Variants in DPP10 observed in about 807,000 individuals in gnomAD.
The protein encoded by DPP10 is inactive dipeptidyl peptidase 10.
In DPP10, 33 loss-of-function variants were observed where a neutral mutation model predicts 120.9. That is an observed-to-expected ratio of 0.27 (90% CI 0.21 to 0.37). The LOEUF (loss-of-function observed/expected upper bound fraction) is 0.37, where lower values mean the gene tolerates loss of function less well. Among genes scored for constraint, DPP10 ranks in the 10% least tolerant of loss-of-function variants. The pLI, the probability that DPP10 is intolerant of heterozygous loss-of-function variation, is 1.00. For missense variants in DPP10, 816 were observed against 942.8 expected (o/e 0.87, Z 1.76); for synonymous variants, 337 against 326.1 (o/e 1.03, Z -0.36).
intron 1 of DPP10, among the ~76,000 whole-genome samples, chr2:115,025,520 T>C (rs879062079): frequency 2.0e-5 from 3 of 152,106 alleles, no homozygotes; most frequent in Admixed American, 6.6e-5. Context: ...ATATACCTAC[T>C]AGTGGAATTG....
chr2:115,052,749 C>T (rs1012707967), intron 1 of DPP10, among the ~76,000 whole-genome samples: 7 of 151,996 alleles, frequency 4.6e-5, no homozygotes, highest in African/African-American at 1.4e-4. Context: ...GTCAGGAGTT[C>T]GAGACCAGCC....
At chr2:114,979,565 G>A (rs1365160241) in intron 1 of DPP10, among the ~76,000 whole-genome samples, 9 of 151,946 alleles carry the variant, frequency 5.9e-5, no homozygotes, top group South Asian at 2.1e-4. Flanking sequence ...AATCTGTCAC[G>A]TTTGATAATG....
intron 3 of DPP10, among the ~76,000 whole-genome samples, chr2:115,499,191 G>T (rs951598359): frequency 4.6e-5 from 7 of 152,052 alleles, no homozygotes; most frequent in Non-Finnish European, 8.8e-5. Context: ...AGAGACTGGA[G>T]GCACTTCTCT....
rs191329283 is a variant in DPP10 at position 115,488,958 on chromosome 2, T to A, written c.272-10552T>A. The stretch of plus-strand genomic sequence containing the variant: ...CAAACAAAGAAACAAAAAACATACC[T>A]TTTAGAGTGTATGGCTATTTTGGAA... On this transcript the variant is annotated intron_variant, in intron 3 of 25. Transcript: ENST00000410059. 5.3e-5 allele frequency among the ~76,000 whole-genome samples: 8 copies of A among 151,978 alleles called. No homozygotes were observed. In the East Asian group the frequency reaches 1.5e-3, roughly 29 times the overall value.
rs887057813 is a variant in DPP10, at chr2:115,289,605, C to T, written c.61-19634C>T. ...ATTAACTCATTTCCAATTGTACTAC[C>T]AGACTATAGTAACCAAAATAGCATA... On this transcript the variant is annotated intron_variant, in intron 1 of 25. Coordinates refer to ENST00000410059, the MANE Select transcript of DPP10 (RefSeq NM_020868.6). Among the ~76,000 whole-genome samples, 6 of 151,496 alleles carry T rather than the reference C, an allele frequency of 4.0e-5. No homozygotes were observed. The East Asian group carries it at 1.2e-3, about 29-fold the overall frequency.
At chr2:115,426,869 A>C (rs1327913337) in intron 3 of DPP10, among the ~76,000 whole-genome samples, 1 of 152,240 alleles carries the variant, frequency 6.6e-6, no homozygotes, top group African/African-American at 2.4e-5. Context: ...TCCAAAGTTT[A>C]AAATCTCATC....
At chr2:114,689,451 T>G (rs1443297195) in intron 1 of DPP10, among the ~76,000 whole-genome samples, 1 of 152,110 alleles carries the variant, frequency 6.6e-6, no homozygotes, top group Non-Finnish European at 1.5e-5. Context: ...CCATGGTGTA[T>G]ATGTACCACA....
intron 1 of DPP10, among the ~76,000 whole-genome samples, chr2:114,695,265 G>A (rs1700004137): frequency 6.6e-6 from 1 of 152,010 alleles, no homozygotes; most frequent in Non-Finnish European, 1.5e-5. Context: ...AGGACTTGAT[G>A]ATTAATGGAA....
At chr2:115,216,440 A>G (rs1006834520) in intron 1 of DPP10, among the ~76,000 whole-genome samples, 1 of 152,202 alleles carries the variant, frequency 6.6e-6, no homozygotes, top group African/African-American at 2.4e-5. Context: ...TTATAAACGC[A>G]TATGTACGTA....
At chr2:115,254,989 T>A (rs1231582386) in intron 1 of DPP10, among the ~76,000 whole-genome samples, 1 of 152,140 alleles carries the variant, frequency 6.6e-6, no homozygotes, top group African/African-American at 2.4e-5. Flanking sequence ...TGGAGGACAG[T>A]CGTCCTCTTC....
intron 1 of DPP10, among the ~76,000 whole-genome samples, chr2:114,571,219 G>C (rs1689618212): frequency 6.6e-6 from 1 of 152,116 alleles, no homozygotes; most frequent in Non-Finnish European, 1.5e-5. Context: ...TAATGGGTTA[G>C]CACCATCCTC....
At chr2:115,725,079 C>A (rs979893671) in intron 7 of DPP10, among the ~76,000 whole-genome samples, 1 of 152,182 alleles carries the variant, frequency 6.6e-6, no homozygotes, top group African/African-American at 2.4e-5. Flanking sequence ...TAAACCATAT[C>A]AGGCGACTCA....
intron 1 of DPP10, among the ~76,000 whole-genome samples, chr2:115,162,960 G>A (rs1027876571): frequency 6.6e-6 from 1 of 152,074 alleles, no homozygotes; most frequent in Non-Finnish European, 1.5e-5. Context: ...GCCGGGTGCA[G>A]GTGCGCTCAC....
chr2:115,331,021 T>C (rs1015564908), intron 2 of DPP10, among the ~76,000 whole-genome samples: 2 of 152,296 alleles, frequency 1.3e-5, no homozygotes, highest in African/African-American at 4.8e-5. Context: ...TTGGGCAGTA[T>C]GGCCATTTTC....
rs2067861316 is a variant in DPP10 at position 115,398,812 on chromosome 2, T to C, written c.271+54900T>C. Among the ~76,000 whole-genome samples, 3 of 152,212 alleles carry C rather than the reference T, an allele frequency of 2.0e-5. No individual in the cohort carries two copies. The South Asian group carries it at 6.2e-4, about 31-fold the overall frequency. ...ACTTTTCTGTTTTTAGCCAGACATG[T>C]TCAAAATAAAAGTGCTATTTAAAAA... On this transcript the variant is annotated intron_variant, in intron 3 of 25. Coordinates refer to ENST00000410059, the MANE Select transcript of DPP10 (RefSeq NM_020868.6).
chr2:115,722,474 G>A (rs186719267), intron 7 of DPP10, among the ~76,000 whole-genome samples: 4 of 151,806 alleles, frequency 2.6e-5, no homozygotes, highest in African/African-American at 4.8e-5. Flanking sequence ...CAATTTTGTC[G>A]TTGTGCAAAC....
chr2:114,942,882 T>G (rs1395420276), intron 1 of DPP10, among the ~76,000 whole-genome samples: 2 of 152,194 alleles, frequency 1.3e-5, no homozygotes, highest in Non-Finnish European at 2.9e-5. Context: ...TCTTTCACTC[T>G]TTGTAAAAAT....
At chr2:114,476,851 G>C (rs1299423808) in intron 1 of DPP10, among the ~76,000 whole-genome samples, 4 of 152,106 alleles carry the variant, frequency 2.6e-5, no homozygotes, top group Admixed American at 1.3e-4. Flanking sequence ...AACATGAAAA[G>C]CACCCCAGAA....
Position 115,657,448 on chromosome 2 carries a change from T to C in DPP10, c.442-32239T>C, listed in dbSNP as rs187290055. 1.2e-3 allele frequency among the ~76,000 whole-genome samples: 179 copies of C among 151,988 alleles called. 1 individual carries two copies. The highest frequency in any genetic ancestry group is 7.9e-4 in the Admixed American group (12 of 15,246). On this transcript the variant is annotated intron_variant, in intron 5 of 25. Coordinates refer to ENST00000410059, the MANE Select transcript of DPP10 (RefSeq NM_020868.6). ...ACAGAAAATATGGTTGTTTTCTCTA[T>C]TTCTTCTCTTAAGACATTATTTAAT...
Sources: allele counts gnomAD v4.1 joint callset (sites outside exome capture counted in the v4.1 genomes callset), GRCh38; gene constraint gnomAD v4.1.1; transcripts MANE v1.5; gene names NCBI Gene and HGNC (gene_info 2026-07-23, HGNC 2026-07-21).